The following ABLIM1 variants were observed in gnomAD, a reference collection of about 807,000 sequenced individuals.
ABLIM1 encodes the protein actin-binding LIM protein 1.
A neutral mutation model predicts 107.0 loss-of-function variants in ABLIM1; 40 were observed. The ratio of observed to expected loss-of-function variants is 0.37; its 90% CI spans 0.29 to 0.49. The LOEUF (loss-of-function observed/expected upper bound fraction) is 0.49, where lower values mean the gene tolerates loss of function less well. Among genes scored for constraint, ABLIM1 ranks in the 20% least tolerant of loss-of-function variants. ABLIM1 has a pLI of 0.97. For missense variants in ABLIM1, 857 were observed against 1,008.5 expected (o/e 0.85, Z 2.04); for synonymous variants, 357 against 357.3 (o/e 1.00, Z 0.01).
At chr10:114,793,810 G>A in the ABLIM1 span, among the ~76,000 whole-genome samples, 1 of 152,086 alleles carries the variant, frequency 6.6e-6, no homozygotes. Context: ...CCATCCTTTT[G>A]CCCTCCCTCT....
intron 21 of ABLIM1, 103 bp downstream of exon 21, chr10:114,439,073 A>C: frequency 7.1e-7 from 1 of 1,403,402 alleles, no homozygotes; most frequent in South Asian, 1.2e-5. Flanking sequence ...TCACCTGAAC[A>C]CACCAGCCTA....
chr10:114,674,660 C>T (rs1242777528), intron 1 of ABLIM1, among the ~76,000 whole-genome samples: 2 of 151,556 alleles, frequency 1.3e-5, no homozygotes, highest in African/African-American at 4.8e-5. Flanking sequence ...CAGTGCCTGC[C>T]ACAGAGTGAG....
At chr10:114,579,370 T>A (rs1262583487) in intron 2 of ABLIM1, among the ~76,000 whole-genome samples, 1 of 152,218 alleles carries the variant, frequency 6.6e-6, no homozygotes, top group African/African-American at 2.4e-5. Context: ...CATTGATCTG[T>A]CTGTGATATA....
At chr10:114,615,675 C>T in intron 1 of ABLIM1, 2 of 424,336 alleles carry the variant, frequency 4.7e-6, no homozygotes, top group South Asian at 3.3e-5. Context: ...TCCAGAGCAA[C>T]AGTCTTTGGG....
chr10:114,675,751 C>A (rs184980021), intron 1 of ABLIM1, among the ~76,000 whole-genome samples: 10 of 152,314 alleles, frequency 6.6e-5, no homozygotes, highest in Non-Finnish European at 1.0e-4. Flanking sequence ...CAGAAACTGT[C>A]TCACAGTTCT....
At chr10:114,751,754 AAAAAAAAAAGGAAAG>A (rs1337607455) in intron 1 of ABLIM1, among the ~76,000 whole-genome samples, 3 of 151,940 alleles carry the variant, frequency 2.0e-5, no homozygotes, top group Non-Finnish European at 4.4e-5. Flanking sequence ...GTCTCAAAAA[AAAAAAAAAAGGAAAG>A]AAAAAAAAAG....
At position 114,718,129 on chromosome 10, in the gene ABLIM1, G is replaced by GA. The variant is rs1159425588; in HGVS notation, c.-213+49931dup. ...AGAAAAAGAAAGAAAGAAAAAGAAAGAAAAGAAAGAAAGAAAGAGAAAAAA... is the reference window on the plus strand; with the variant it reads ...AGAAAAAGAAAGAAAGAAAAAGAAAGAAAAAGAAAGAAAGAAAGAGAAAAAA... On this transcript the variant is annotated intron_variant, in intron 1 of 15. Transcript: ENST00000651092. 4.0e-4 allele frequency among the ~76,000 whole-genome samples: 44 copies of GA among 110,710 alleles called. 2 individuals carry two copies. The highest frequency in any genetic ancestry group is 8.8e-4 in the Non-Finnish European group (40 of 45,272). 72.6% of individuals were successfully genotyped at this position (110,710 alleles called of 152,430 possible). A position where few individuals can be genotyped will look rare whatever the true frequency, so the allele number is the denominator to read the frequency against.
At chr10:114,532,001 T>C (rs376055570) in intron 6 of ABLIM1, among the ~76,000 whole-genome samples, 77 of 151,748 alleles carry the variant, frequency 5.1e-4, no homozygotes, top group African/African-American at 1.7e-3. Context: ...TTTTAGTAGA[T>C]ACGGGGTTTC....
chr10:114,771,272 T>C (rs535317550), upstream of ABLIM1, among the ~76,000 whole-genome samples: 1 of 152,346 alleles, frequency 6.6e-6, no homozygotes, highest in Non-Finnish European at 1.5e-5. Flanking sequence ...ATGCTTGTAA[T>C]AGACTACACA....
At chr10:114,533,719 T>G (rs1406056894) in intron 6 of ABLIM1, among the ~76,000 whole-genome samples, 2 of 152,146 alleles carry the variant, frequency 1.3e-5, no homozygotes, top group Non-Finnish European at 2.9e-5. Flanking sequence ...CAGGCTGGAG[T>G]GCAGTGGCGT....
chr10:114,770,716 G>A (rs1434541694), upstream of ABLIM1, among the ~76,000 whole-genome samples: 1 of 152,160 alleles, frequency 6.6e-6, no homozygotes, highest in Non-Finnish European at 1.5e-5. Context: ...CTTGAAATCA[G>A]GGACTTGGCC....
At chr10:114,557,105 G>T (rs759024340) in intron 4 of ABLIM1, among the ~76,000 whole-genome samples, 1 of 152,160 alleles carries the variant, frequency 6.6e-6, no homozygotes, top group Admixed American at 6.5e-5. Flanking sequence ...GGGGAAAAGG[G>T]GGTCTCAATA....
upstream of ABLIM1, among the ~76,000 whole-genome samples, chr10:114,660,506 C>CA (rs373267155): frequency 0.013 from 1,838 of 146,584 alleles, 33 homozygotes; most frequent in African/African-American, 0.04. Context: ...ATTCATCCAT[C>CA]AAAAAAAAAA....
the ABLIM1 span, among the ~76,000 whole-genome samples, chr10:114,792,389 G>C: frequency 1.3e-5 from 2 of 152,176 alleles, no homozygotes; most frequent in Non-Finnish European, 2.9e-5. Context: ...TGGTCACAAA[G>C]TCAGTATTCT....
intron 4 of ABLIM1, among the ~76,000 whole-genome samples, chr10:114,560,378 A>C (rs907154260): frequency 6.6e-6 from 1 of 152,236 alleles, no homozygotes; most frequent in Non-Finnish European, 1.5e-5. Context: ...GACTGCATAC[A>C]TGACGGTAGT....
chr10:114,527,669 T>C (rs956260293), intron 6 of ABLIM1, among the ~76,000 whole-genome samples: 15 of 149,934 alleles, frequency 1.0e-4, no homozygotes, highest in Non-Finnish European at 1.6e-4. Flanking sequence ...CTTTTTTTTT[T>C]TTTTTTTTGA....
At chr10:114,497,123 G>A (rs1039740516) in intron 6 of ABLIM1, among the ~76,000 whole-genome samples, 1 of 152,212 alleles carries the variant, frequency 6.6e-6, no homozygotes, top group Non-Finnish European at 1.5e-5. Flanking sequence ...ACTAAATAGC[G>A]CTCATATAAG....
chr10:114,696,210 C>A (rs1212162892), intron 1 of ABLIM1, among the ~76,000 whole-genome samples: 3 of 152,190 alleles, frequency 2.0e-5, no homozygotes, highest in Admixed American at 6.5e-5. Flanking sequence ...CTGGAGAGGG[C>A]AGCAGGGAAC....
intron 12 of ABLIM1, among the ~76,000 whole-genome samples, chr10:114,463,478 C>T (rs1204625691): frequency 1.3e-5 from 2 of 151,966 alleles, no homozygotes; most frequent in African/African-American, 4.8e-5. Context: ...TTAGACTCAA[C>T]AACAGCTGTT....
Sources: gnomAD v4.1 joint callset for allele counts (sites outside exome capture counted in the v4.1 genomes callset) on GRCh38, gnomAD v4.1.1 for gene constraint, MANE v1.5 for transcripts, NCBI Gene and HGNC (gene_info 2026-07-23, HGNC 2026-07-21) for gene names.